NDUFA5: variants seen among roughly 807,000 people sequenced by gnomAD.
NDUFA5 encodes NADH dehydrogenase [ubiquinone] 1 alpha subcomplex subunit 5.
Under a neutral mutation model 19.8 loss-of-function variants are expected in NDUFA5, and 11 were observed. The ratio of observed to expected loss-of-function variants is 0.56; its 90% confidence interval spans 0.35 to 0.92. The LOEUF (loss-of-function observed/expected upper bound fraction) is 0.92. NDUFA5 is among the 40% of genes least tolerant of loss of function. The probability of loss-of-function intolerance (pLI) is 0.01; values close to 1 mark genes in which losing one functional copy is unlikely to be tolerated. For missense variants in NDUFA5, 109 were observed against 134.2 expected (o/e 0.81, Z 0.93); for synonymous variants, 47 against 46.8 (o/e 1.00, Z -0.01).
At chr7:123,551,642 T>A in intron 2 of NDUFA5, 1 of 359,052 alleles carries the variant, frequency 2.8e-6, no homozygotes, top group Non-Finnish European at 3.9e-6. Context: ...ACGGTCATAA[T>A]ACTTCAGTGT....
the NDUFA5 span, among the ~76,000 whole-genome samples, chr7:123,576,122 A>G: frequency 6.6e-6 from 1 of 151,318 alleles, no homozygotes; most frequent in East Asian, 1.9e-4. Context: ...GACTTTCTTT[A>G]TTTCAATTTT....
chr7:123,558,073 G>C (rs906123570), upstream of NDUFA5: 3 of 566,438 alleles, frequency 5.3e-6, 1 homozygote, highest in South Asian at 6.5e-5. Flanking sequence ...CTGACGGCTT[G>C]CCCAAAGATT....
At chr7:123,572,791 T>G in the NDUFA5 span, among the ~76,000 whole-genome samples, 1 of 152,208 alleles carries the variant, frequency 6.6e-6, no homozygotes, top group South Asian at 2.1e-4. Context: ...GTTTTATACA[T>G]TTGTTACATT....
Position 123,542,162 on chromosome 7 carries a change from A to T in NDUFA5, c.308T>A (p.Leu103Ter). ...KMREWKLWEP[L>*]VEEPPADQWK... ...CTGATCGGCAGGAGGCTCTTCCACT[A>T]ATGGCTCCCATAGTTTCCATTCCCT... The change falls in exon 5 of 5, where the codon TTA becomes TAA. Residue 103 changes from leucine (L) to a stop codon, truncating the protein, a stop_gained. Coordinates refer to ENST00000355749, the MANE Select transcript of NDUFA5 (RefSeq NM_005000.5). LOFTEE classifies it high-confidence loss of function. 1 of 1,612,074 alleles carries T rather than the reference A, an allele frequency of 6.2e-7. No homozygotes were observed. Among genetic ancestry groups the T allele is most frequent in the Non-Finnish European group, 8.5e-7 (1 of 1,179,174 alleles).
the NDUFA5 span, among the ~76,000 whole-genome samples, chr7:123,583,092 A>G: frequency 1.6e-4 from 24 of 152,138 alleles, no homozygotes; most frequent in African/African-American, 5.5e-4. Context: ...GAGAGAACAT[A>G]AAATGATAAC....
At chr7:123,561,932 G>T (rs923034659), upstream of NDUFA5, among the ~76,000 whole-genome samples, 1 of 151,800 alleles carries the variant, frequency 6.6e-6, no homozygotes, top group African/African-American at 2.4e-5. Context: ...ATCTAGTGTG[G>T]TCAGTTCTTT....
At chr7:123,600,134 T>C in the NDUFA5 span, among the ~76,000 whole-genome samples, 111 of 152,284 alleles carry the variant, frequency 7.3e-4, 2 homozygotes, top group East Asian at 0.017. Flanking sequence ...TGTATCATCA[T>C]CATCATCATC....
intron 4 of NDUFA5, among the ~76,000 whole-genome samples, chr7:123,544,366 C>T (rs1051887318): frequency 6.6e-4 from 101 of 152,108 alleles, no homozygotes; most frequent in African/African-American, 2.4e-3. Flanking sequence ...GATGTGGTGG[C>T]ACATGCCTGT....
chr7:123,570,022 G>A, the NDUFA5 span, among the ~76,000 whole-genome samples: 2 of 144,492 alleles, frequency 1.4e-5, no homozygotes, highest in Non-Finnish European at 3.0e-5. Flanking sequence ...TACAACTACT[G>A]CCATAGCTTT....
the NDUFA5 span, among the ~76,000 whole-genome samples, chr7:123,575,227 C>T: frequency 6.6e-6 from 1 of 151,966 alleles, no homozygotes; most frequent in African/African-American, 2.4e-5. Context: ...CTAGACAACA[C>T]CTATTAGTTC....
chr7:123,549,630 T>C (rs1483400732), intron 3 of NDUFA5, among the ~76,000 whole-genome samples: 1 of 152,038 alleles, frequency 6.6e-6, no homozygotes, highest in Admixed American at 6.6e-5. Flanking sequence ...TTTTAAAAAT[T>C]AGCTGGGCAT....
chr7:123,538,745 GA>G lies in NDUFA5; in HGVS notation c.*3373del, dbSNP rs1231993515. 1 of 152,116 alleles carries G rather than the reference GA, an allele frequency of 6.6e-6. No individual in the cohort carries two copies. Among genetic ancestry groups the G allele is most frequent in the African/African-American group, 2.4e-5 (1 of 41,416 alleles). 9.4% of individuals were successfully genotyped at this position (152,116 alleles called of 1,614,324 possible). Reference sequence around the variant, plus strand: ...CACTCAGCAAATCCAAAATACTAGTGATATGTTCAGCAATTTGGTACTTAAT... The same window carrying G: ...CACTCAGCAAATCCAAAATACTAGTGTATGTTCAGCAATTTGGTACTTAAT... On this transcript the variant is annotated 3_prime_UTR_variant, in exon 5 of 5. Coordinates refer to ENST00000355749, the MANE Select transcript of NDUFA5 (RefSeq NM_005000.5).
At chr7:123,576,622 G>T in the NDUFA5 span, among the ~76,000 whole-genome samples, 3 of 152,060 alleles carry the variant, frequency 2.0e-5, no homozygotes, top group East Asian at 3.9e-4. Flanking sequence ...CCACATCCTC[G>T]GCTTCTCTGA....
chr7:123,571,814 G>T, the NDUFA5 span, among the ~76,000 whole-genome samples: 1 of 152,170 alleles, frequency 6.6e-6, no homozygotes. Flanking sequence ...TCCCAAGCTG[G>T]AGTGCAGTGG....
chr7:123,597,494 T>C, the NDUFA5 span, among the ~76,000 whole-genome samples: 2 of 152,292 alleles, frequency 1.3e-5, no homozygotes, highest in Admixed American at 6.5e-5. Flanking sequence ...TAGAGTTCTG[T>C]ATTATTTGTG....
intron 2 of NDUFA5, among the ~76,000 whole-genome samples, chr7:123,553,220 G>A (rs1374631902): frequency 6.6e-6 from 1 of 152,182 alleles, no homozygotes. Context: ...GAGACTGGGT[G>A]ATTTATAAAG....
chr7:123,565,737 C>T, the NDUFA5 span, among the ~76,000 whole-genome samples: 2 of 152,104 alleles, frequency 1.3e-5, no homozygotes, highest in South Asian at 2.1e-4. Flanking sequence ...AAAAGTTAGC[C>T]GGGCGCAGTG....
the NDUFA5 span, among the ~76,000 whole-genome samples, chr7:123,574,084 T>C: frequency 6.6e-6 from 1 of 152,216 alleles, no homozygotes; most frequent in African/African-American, 2.4e-5. Flanking sequence ...CACATGATTG[T>C]TAGCCTGTTA....
the NDUFA5 span, among the ~76,000 whole-genome samples, chr7:123,563,071 G>A: frequency 1.3e-5 from 2 of 151,986 alleles, no homozygotes; most frequent in Non-Finnish European, 1.5e-5. Flanking sequence ...AATGTGCTGG[G>A]GTTACAGGTG....
Sources: gnomAD v4.1 joint callset for allele counts (sites outside exome capture counted in the v4.1 genomes callset) on GRCh38, gnomAD v4.1.1 for gene constraint, MANE v1.5 for transcripts, NCBI Gene and HGNC (gene_info 2026-07-23, HGNC 2026-07-21) for gene names.